The following PCDH9 variants were observed in gnomAD, a reference collection of about 807,000 sequenced individuals.
PCDH9 encodes the protein protocadherin 9.
A neutral mutation model predicts 70.6 loss-of-function variants in PCDH9; 24 were observed. That is an observed-to-expected ratio of 0.34 (90% CI 0.25 to 0.48). The LOEUF is 0.48. PCDH9 is among the 20% of genes least tolerant of loss of function. The pLI is 0.99. For missense variants in PCDH9, 1,281 were observed against 1,503.6 expected (o/e 0.85, Z 2.45); for synonymous variants, 562 against 558.5 (o/e 1.01, Z -0.09).
chr13:66,545,584 G>A (rs2138667429), intron 4 of PCDH9, among the ~76,000 whole-genome samples: 1 of 152,138 alleles, frequency 6.6e-6, no homozygotes, highest in South Asian at 2.1e-4. Context: ...ACATTACAAT[G>A]GCACTTGAAA....
intron 3 of PCDH9, among the ~76,000 whole-genome samples, chr13:66,762,813 G>A (rs2079650158): frequency 6.6e-6 from 1 of 151,910 alleles, no homozygotes; most frequent in African/African-American, 2.4e-5. Context: ...AGGTTATTGA[G>A]TCAGCTGATA....
intron 2 of PCDH9, chr13:67,224,282 G>T (rs948283079): frequency 6.6e-6 from 1 of 152,148 alleles, no homozygotes; most frequent in Non-Finnish European, 1.5e-5. Context: ...AAGAGCAAGC[G>T]AATGAACTTA....
chr13:67,044,690 G>A (rs962955473), intron 2 of PCDH9, among the ~76,000 whole-genome samples: 1 of 152,126 alleles, frequency 6.6e-6, no homozygotes, highest in Non-Finnish European at 1.5e-5. Flanking sequence ...TCACAGATAG[G>A]AAAAGGCTGT....
intron 2 of PCDH9, among the ~76,000 whole-genome samples, chr13:67,159,580 T>C (rs529687940): frequency 9.2e-5 from 14 of 152,244 alleles, no homozygotes; most frequent in African/African-American, 3.1e-4. Flanking sequence ...GAGTAAAACA[T>C]TTCGAAAAAT....
At chr13:66,680,615 T>C (rs1185526376) in intron 3 of PCDH9, among the ~76,000 whole-genome samples, 2 of 151,998 alleles carry the variant, frequency 1.3e-5, no homozygotes, top group South Asian at 4.1e-4. Flanking sequence ...TGCTATAAAG[T>C]AAAATTGTGC....
chr13:66,557,845 G>A (rs1047405615), intron 4 of PCDH9, among the ~76,000 whole-genome samples: 15 of 152,198 alleles, frequency 9.9e-5, no homozygotes, highest in South Asian at 6.3e-4. Flanking sequence ...AAATATAATC[G>A]CATTAGAGAC....
intron 2 of PCDH9, among the ~76,000 whole-genome samples, chr13:67,027,329 T>C (rs867908009): frequency 6.6e-6 from 1 of 152,146 alleles, no homozygotes; most frequent in African/African-American, 2.4e-5. Flanking sequence ...ATTCCCTATT[T>C]AATAAATGGT....
intron 4 of PCDH9, among the ~76,000 whole-genome samples, chr13:66,535,031 A>G (rs1297130993): frequency 1.3e-5 from 2 of 152,060 alleles, no homozygotes; most frequent in Non-Finnish European, 2.9e-5. Context: ...AGCATTACTG[A>G]GTCCTTTGAT....
At chr13:67,152,503 A>G (rs950267754) in intron 2 of PCDH9, among the ~76,000 whole-genome samples, 4 of 152,228 alleles carry the variant, frequency 2.6e-5, no homozygotes, top group African/African-American at 9.6e-5. Flanking sequence ...TCTTTGGTAG[A>G]TAGCAGAATA....
At chr13:66,560,318 G>T (rs1961953779) in intron 4 of PCDH9, among the ~76,000 whole-genome samples, 1 of 152,128 alleles carries the variant, frequency 6.6e-6, no homozygotes, top group African/African-American at 2.4e-5. Context: ...AGGGGGAGGG[G>T]TCCCTCTATT....
At chr13:67,005,053 G>T (rs2084323562) in intron 2 of PCDH9, among the ~76,000 whole-genome samples, 1 of 151,900 alleles carries the variant, frequency 6.6e-6, no homozygotes, top group South Asian at 2.1e-4. Flanking sequence ...CCTTTGTAAA[G>T]AGCAGGATAG....
Position 67,225,986 on chromosome 13 carries a change from T to A in PCDH9, c.2455A>T (p.Ile819Phe), listed in dbSNP as rs766964204. The A allele has an allele frequency of 1.2e-6, 2 of 1,613,982 alleles. No homozygotes were observed. The highest frequency in any genetic ancestry group is 4.5e-5 in the East Asian group (2 of 44,882). Residue 819 changes from isoleucine (I) to phenylalanine (F), a missense_variant, in exon 2 of 5, where the codon ATC becomes TTC. By Grantham distance (21) the Ile-to-Phe change is conservative (BLOSUM62 0). Coordinates refer to ENST00000377865, the MANE Select transcript of PCDH9 (RefSeq NM_203487.3). ...ATGACCACCATGGCACCGGCGATGA[T>A]GGCAATCATGATGGTTAGATAGTCC... Reference protein sequence around the residue: ...NEDYLTIMIAIIAGAMVVIVV... With the variant: ...NEDYLTIMIAFIAGAMVVIVV...
At chr13:66,561,178 A>C (rs1962006389) in intron 4 of PCDH9, among the ~76,000 whole-genome samples, 1 of 152,172 alleles carries the variant, frequency 6.6e-6, no homozygotes. Context: ...TGGCCCCGCC[A>C]CCGGGGCAGT....
Position 67,060,562 on chromosome 13 carries a change from T to A in PCDH9, c.3037-156957A>T, listed in dbSNP as rs183598029. 3.6e-3 allele frequency among the ~76,000 whole-genome samples: 552 copies of A among 152,256 alleles called. 5 individuals carry two copies. Among genetic ancestry groups the A allele is most frequent in the African/African-American group, 0.013 (530 of 41,562 alleles). ...ACTTTGTTTTTTTAAATGACTCTTT[T>A]ATTAATCCCCTCATTTCCATTCTCA... On this transcript the variant is annotated intron_variant, in intron 2 of 4. Coordinates refer to ENST00000377865, the MANE Select transcript of PCDH9 (RefSeq NM_203487.3).
chr13:66,851,126 C>T (rs2081307997), intron 3 of PCDH9, among the ~76,000 whole-genome samples: 1 of 152,130 alleles, frequency 6.6e-6, no homozygotes, highest in Admixed American at 6.5e-5. Flanking sequence ...TAACAAAAGA[C>T]AGGAAAGCAT....
intron 2 of PCDH9, among the ~76,000 whole-genome samples, chr13:67,108,227 T>A (rs1485351035): frequency 6.6e-6 from 1 of 152,190 alleles, no homozygotes; most frequent in African/African-American, 2.4e-5. Context: ...TGAGCAATAC[T>A]CAGGCAGAAG....
intron 4 of PCDH9, among the ~76,000 whole-genome samples, chr13:66,593,948 G>A (rs1006084722): frequency 2.0e-5 from 3 of 151,302 alleles, no homozygotes; most frequent in African/African-American, 2.4e-5. Context: ...TTTTTTTATA[G>A]TCTTTAATCA....
At chr13:67,136,998 G>T (rs2087248025) in intron 2 of PCDH9, among the ~76,000 whole-genome samples, 1 of 151,632 alleles carries the variant, frequency 6.6e-6, no homozygotes. Flanking sequence ...ATCTCTTGTA[G>T]ATAATTTTCA....
At chr13:66,778,728 C>A (rs1275020409) in intron 3 of PCDH9, among the ~76,000 whole-genome samples, 2 of 152,138 alleles carry the variant, frequency 1.3e-5, no homozygotes. Context: ...AATGATAAAG[C>A]TGAGATAAGG....
Sources: gnomAD v4.1 joint callset for allele counts (sites outside exome capture counted in the v4.1 genomes callset) on GRCh38, gnomAD v4.1.1 for gene constraint, MANE v1.5 for transcripts, NCBI Gene and HGNC (gene_info 2026-07-23, HGNC 2026-07-21) for gene names.